Variants in RALGDS observed in about 807,000 individuals in gnomAD.
RALGDS encodes ral guanine nucleotide exchange factor.
In RALGDS, 44 loss-of-function variants were observed where a neutral mutation model predicts 99.8. That is an observed-to-expected ratio of 0.44 (90% CI 0.35 to 0.57). RALGDS has a LOEUF of 0.57. Among genes scored for constraint, RALGDS ranks in the 20% least tolerant of loss-of-function variants. The pLI, the probability that RALGDS is intolerant of heterozygous loss-of-function variation, is 0.01. For synonymous variants in RALGDS, 529 were observed against 505.0 expected (o/e 1.05, Z -0.64); for missense variants, 1,022 against 1,203.1 (o/e 0.85, Z 2.23).
In RALGDS at chr9:133,108,110, G is replaced by C. The variant is rs764070035; in HGVS notation, c.1075C>G (p.Pro359Ala). The change falls in exon 6 of 18, where the codon CCA becomes GCA. Residue 359 changes from proline (P) to alanine (A), a missense_variant. By Grantham distance (27) the Pro-to-Ala change is conservative. Transcript: ENST00000372050. ...LELEPAPAPV[P>A]SLQPSWPSPV... ...GAAGGCCAGGAAGGCTGTAATGATG[G>C]AACTGGTGCTGGAGCTGGCTCCAGC... is the stretch of plus-strand genomic sequence containing the variant. The C allele has an allele frequency of 1.2e-6, 2 of 1,613,704 alleles. No homozygotes were observed. Among genetic ancestry groups the C allele is most frequent in the Non-Finnish European group, 8.5e-7 (1 of 1,180,038 alleles).
At chr9:133,134,820 C>T (rs1832399165), upstream of RALGDS, among the ~76,000 whole-genome samples, 1 of 152,184 alleles carries the variant, frequency 6.6e-6, no homozygotes, top group African/African-American at 2.4e-5. Context: ...GGTATCATTT[C>T]ACCATCATGA....
At chr9:133,138,337 GCTTGGCTCCTTC>G (rs1832459080) in intron 1 of RALGDS, among the ~76,000 whole-genome samples, 1 of 152,212 alleles carries the variant, frequency 6.6e-6, no homozygotes, top group South Asian at 2.1e-4. Flanking sequence ...TAATCCCTGG[GCTTGGCTCCTTC>G]CTTGGCTTCT....
chr9:133,112,415 T>C (rs1564239674), intron 1 of RALGDS, among the ~76,000 whole-genome samples: 1 of 152,014 alleles, frequency 6.6e-6, no homozygotes. Context: ...TGGCTTCTGC[T>C]CCTGCCCAGG....
chr9:133,106,028 G>A lies in RALGDS; in HGVS notation c.1518-12C>T, dbSNP rs371356728. On this transcript the variant is annotated splice_polypyrimidine_tract_variant and intron_variant, in intron 8 of 17. Coordinates refer to ENST00000372050, the MANE Select transcript of RALGDS (RefSeq NM_006266.4). ...TCCGGAAACTGTCCCTGTCAGAAGG[G>A]CAAAGAAGGAAAGAGAAAGCTGGGA... 6.2e-7 allele frequency: 1 copy of A among 1,603,434 alleles called. No individual in the cohort carries two copies. Among genetic ancestry groups the A allele is most frequent in the Non-Finnish European group, 8.5e-7 (1 of 1,173,182 alleles).
At chr9:133,100,463 G>A in intron 16 of RALGDS, 81 bp from the exon 17 acceptor site, 1 of 1,607,064 alleles carries the variant, frequency 6.2e-7, no homozygotes, top group Non-Finnish European at 8.5e-7. Flanking sequence ...AGGACCCTCT[G>A]GAGTCCCCTC....
intron 1 of RALGDS, among the ~76,000 whole-genome samples, chr9:133,114,058 G>C (rs547343011): frequency 1.3e-5 from 2 of 152,206 alleles, no homozygotes; most frequent in African/African-American, 4.8e-5. Context: ...TCTAGAGAGC[G>C]GCTCCTCCGT....
At chr9:133,148,566 G>A (rs756431982) in intron 1 of RALGDS, among the ~76,000 whole-genome samples, 2 of 152,366 alleles carry the variant, frequency 1.3e-5, no homozygotes, top group South Asian at 4.1e-4. Context: ...GTCTGCGTGT[G>A]TGTGAGCATG....
chr9:133,120,428 AC>A lies in RALGDS; in HGVS notation c.183+543del, dbSNP rs71378548. ...GCCTGCTGCTCCACCCCATCCCCCGACCCCCCCCCCACCCCGCTCTGAGCAG... is the reference window on the plus strand; with the variant it reads ...GCCTGCTGCTCCACCCCATCCCCCGACCCCCCCCCACCCCGCTCTGAGCAG... On this transcript the variant is annotated intron_variant, in intron 1 of 17. Transcript: ENST00000372050. 2.3e-3 allele frequency among the ~76,000 whole-genome samples: 138 copies of A among 59,978 alleles called. 2 individuals are homozygous for A. The highest frequency in any genetic ancestry group is 0.016 in the South Asian group (20 of 1,238). The allele number at this position is 59,978 out of a possible 152,430, so 39.3% of individuals were successfully genotyped here.
rs370600564 is a variant in RALGDS, at chr9:133,130,944, T to C, written c.132+8A>G. The stretch of plus-strand genomic sequence containing the variant: ...GTCAGAGGCCAAGAGTCTCAGCTAC[T>C]TCCTTACCTTCCTGGGAACCTGGCC... On this transcript the variant is annotated splice_region_variant and intron_variant, in intron 1 of 17. Transcript: ENST00000372062. 7.1e-4 allele frequency: 1,085 copies of C among 1,533,370 alleles called. 8 individuals are homozygous for C. In the Middle Eastern group the frequency reaches 9.2e-3, roughly 13 times the overall value. The allele number at this position is 1,533,370 out of a possible 1,614,324, so 95.0% of individuals were successfully genotyped here.
chr9:133,105,270 C>G (rs1055670750), intron 9 of RALGDS, among the ~76,000 whole-genome samples: 2 of 152,198 alleles, frequency 1.3e-5, no homozygotes, highest in African/African-American at 4.8e-5. Context: ...GGCAGTGACA[C>G]TTGACTCCCT....
chr9:133,139,589 G>T (rs576730465), intron 1 of RALGDS, among the ~76,000 whole-genome samples: 1 of 152,216 alleles, frequency 6.6e-6, no homozygotes, highest in African/African-American at 2.4e-5. Flanking sequence ...AGGGAAGAAG[G>T]GGGTCGGGGG....
intron 16 of RALGDS, 167 bp downstream of exon 16, chr9:133,101,353 C>T: frequency 5.3e-6 from 8 of 1,511,418 alleles, no homozygotes; most frequent in Non-Finnish European, 6.3e-6. Context: ...TGCCCTCAGG[C>T]CAGCCTTGTC....
chr9:133,114,296 G>A (rs575321992), intron 1 of RALGDS, among the ~76,000 whole-genome samples: 2 of 152,296 alleles, frequency 1.3e-5, no homozygotes, highest in African/African-American at 2.4e-5. Context: ...GTCGCTTCCC[G>A]TCACAGCAGC....
chr9:133,101,335 T>A (rs143325098), intron 16 of RALGDS, 185 bp downstream of exon 16: 2 of 1,453,562 alleles, frequency 1.4e-6, no homozygotes, highest in Non-Finnish European at 1.9e-6. Flanking sequence ...GCTCCTTTCC[T>A]CCCCCTCTGC....
intron 6 of RALGDS, 148 bp downstream of exon 6, chr9:133,107,840 T>C: frequency 9.8e-7 from 1 of 1,015,462 alleles, no homozygotes; most frequent in Non-Finnish European, 1.5e-6. Flanking sequence ...GGACTTGGGG[T>C]TAAGGAACGA....
chr9:133,149,022 CG>C, exon 1 of RALGDS: 1 of 1,528,678 alleles, frequency 6.5e-7, no homozygotes, highest in South Asian at 1.2e-5. Flanking sequence ...GGGCGGGACC[CG>C]GGGCTCGCAG....
rs1487710168 is a variant in RALGDS at position 133,106,662 on chromosome 9, C to T, written c.1500G>A (p.Thr500=). Residue 500 remains threonine (T), a synonymous_variant, in exon 8 of 18, where the codon ACG becomes ACA. Coordinates refer to ENST00000372050, the MANE Select transcript of RALGDS (RefSeq NM_006266.4). ...ATGCCCACCTGGAAACGTCTTCCCA[C>T]GTCTTCTTCAGACGGTGGATGGAGT... ...QSNSIHRLKK[T]WEDVSRDSFR... is the part of the protein sequence containing the mutation. 1.1e-5 allele frequency: 17 copies of T among 1,610,462 alleles called. No individual in the cohort carries two copies. Among genetic ancestry groups the T allele is most frequent in the Middle Eastern group, 1.6e-4 (1 of 6,078 alleles).
At chr9:133,108,914 A>C (rs921209482) in intron 4 of RALGDS, 48 bp from the exon 5 acceptor site, 5 of 1,544,238 alleles carry the variant, frequency 3.2e-6, no homozygotes, top group Non-Finnish European at 3.5e-6. Context: ...GGCTCCCCTG[A>C]GCCAGGCTGG....
At chr9:133,124,263 C>T (rs540144339), upstream of RALGDS, among the ~76,000 whole-genome samples, 6 of 151,602 alleles carry the variant, frequency 4.0e-5, no homozygotes, top group South Asian at 1.3e-3. Flanking sequence ...GAGACACAGA[C>T]GCACAGAGAC....
Sources: allele counts gnomAD v4.1 joint callset (sites outside exome capture counted in the v4.1 genomes callset), GRCh38; gene constraint gnomAD v4.1.1; transcripts MANE v1.5; gene names NCBI Gene and HGNC (gene_info 2026-07-23, HGNC 2026-07-21).